ETFB: variants seen among roughly 807,000 people sequenced by gnomAD.
The protein encoded by ETFB is beta-ETF.
In ETFB, 20 loss-of-function variants were observed where a neutral mutation model predicts 25.6. That is an observed-to-expected ratio of 0.78 (90% CI 0.55 to 1.14). The LOEUF (loss-of-function observed/expected upper bound fraction) is 1.14. ETFB is among the 50% of genes most tolerant of loss of function. ETFB has a pLI of 0.00. For synonymous variants in ETFB, 142 were observed against 146.7 expected, an observed-to-expected ratio of 0.97 and a Z score of 0.23; for missense variants, 286 against 342.6, an observed-to-expected ratio of 0.83 and a Z score of 1.30.
At chr19:51,357,664 T>C (rs921537645) in intron 1 of ETFB, among the ~76,000 whole-genome samples, 6 of 151,788 alleles carry the variant, frequency 4.0e-5, no homozygotes, top group African/African-American at 1.5e-4. Context: ...TAATTTTTTG[T>C]ATTTTTAATA....
intron 1 of ETFB, among the ~76,000 whole-genome samples, chr19:51,365,738 C>A (rs1243030135): frequency 6.6e-6 from 1 of 152,220 alleles, no homozygotes; most frequent in Admixed American, 6.5e-5. Context: ...ACACACTTCT[C>A]TCTCCCTAGC....
In ETFB at chr19:51,354,272, C is replaced by G; in HGVS notation, c.94G>C (p.Asp32His). The part of the protein sequence containing the change: ...VKPDRTGVVT[D>H]GVKHSMNPFC... ...GGGTTCATGGAGTGCTTCACACCAT[C>G]CGTGACCACACCGGTCCTGTCAGGC... Residue 32 changes from aspartate to histidine, a missense_variant, in exon 2 of 6, where the codon GAT (aspartate) becomes CAT (histidine). Transcript: ENST00000309244. The G allele has an allele frequency of 6.2e-7, 1 of 1,614,194 alleles. No homozygotes were observed. The highest frequency in any genetic ancestry group is 8.5e-7 in the Non-Finnish European group (1 of 1,180,032).
chr19:51,360,989 G>A (rs1269559381), intron 1 of ETFB, among the ~76,000 whole-genome samples: 1 of 152,082 alleles, frequency 6.6e-6, no homozygotes, highest in Non-Finnish European at 1.5e-5. Flanking sequence ...GTCTCACCGT[G>A]TTAGCCAGGA....
intron 1 of ETFB, chr19:51,356,578 G>A (rs2123596153): frequency 6.6e-6 from 1 of 152,258 alleles, no homozygotes; most frequent in South Asian, 2.1e-4. Context: ...TGTCTCTCCT[G>A]GGCCCCACTG....
In ETFB at chr19:51,350,530, G is replaced by A. The variant is rs1025121969; in HGVS notation, c.376-139C>T. 1.3e-5 allele frequency: 8 copies of A among 636,570 alleles called. No homozygotes were observed. In the African/African-American group the frequency reaches 1.3e-4, roughly 10 times the overall value. 39.4% of individuals were successfully genotyped at this position (636,570 alleles called of 1,614,324 possible). ...GACGGAGTCTTGCTCTGTCACCCAG[G>A]CTGGAGTGCAATGGTACAATCTTGG... is the stretch of plus-strand genomic sequence containing the variant. On this transcript the variant is annotated intron_variant, in intron 3 of 5. Coordinates refer to ENST00000309244, the MANE Select transcript of ETFB (RefSeq NM_001985.3).
rs774387920 is a variant in ETFB at position 51,354,242 on chromosome 19, A to G, written c.124T>C (p.Cys42Arg). The G allele has an allele frequency of 5.6e-6, 9 of 1,614,150 alleles. No individual in the cohort carries two copies. In the South Asian group the frequency reaches 8.8e-5, roughly 16 times the overall value. ...DGVKHSMNPFCEIAVEEAVRL... is the reference protein window; with the variant it reads ...DGVKHSMNPFREIAVEEAVRL... ...ACAGCCTCCTCCACCGCGATCTCAC[A>G]GAAGGGGTTCATGGAGTGCTTCACA... Residue 42 changes from cysteine to arginine, a missense_variant, in exon 2 of 6, where the codon TGT becomes CGT. Cys to Arg is a radical substitution (Grantham distance 180, BLOSUM62 -3). Coordinates refer to ENST00000309244, the MANE Select transcript of ETFB (RefSeq NM_001985.3).
intron 5 of ETFB, 128 bp downstream of exon 5, chr19:51,346,772 G>A: frequency 2.2e-6 from 2 of 903,774 alleles, no homozygotes; most frequent in Non-Finnish European, 3.3e-6. Flanking sequence ...CAAACTCCAG[G>A]TGACGGCTTC....
At chr19:51,349,810 T>A (rs1985888117) in intron 4 of ETFB, among the ~76,000 whole-genome samples, 1 of 151,294 alleles carries the variant, frequency 6.6e-6, no homozygotes, top group Admixed American at 6.6e-5. Context: ...TGCAGTGGCG[T>A]GCGATCTTGC....
intron 3 of ETFB, among the ~76,000 whole-genome samples, chr19:51,350,746 C>T (rs149831455): frequency 0.026 from 3,977 of 152,240 alleles, 85 homozygotes; most frequent in Non-Finnish European, 0.035. Flanking sequence ...TCTGGGATTA[C>T]AGGCATGAGT....
intron 1 of ETFB, among the ~76,000 whole-genome samples, chr19:51,359,878 C>T (rs2123604933): frequency 6.6e-6 from 1 of 151,824 alleles, no homozygotes; most frequent in East Asian, 2.0e-4. Context: ...ATTAGCAGGT[C>T]ATGGTGGCGT....
intron 1 of ETFB, among the ~76,000 whole-genome samples, chr19:51,360,197 T>C (rs2123605812): frequency 6.6e-6 from 1 of 151,272 alleles, no homozygotes; most frequent in East Asian, 1.9e-4. Flanking sequence ...TGGTCAGGAG[T>C]TCGAGACCAG....
intron 1 of ETFB, among the ~76,000 whole-genome samples, chr19:51,360,371 C>T (rs1043492693): frequency 3.4e-5 from 5 of 148,216 alleles, no homozygotes; most frequent in African/African-American, 1.3e-4. Context: ...CAATGCACTC[C>T]AGCCTGGGTG....
chr19:51,345,715 C>T (rs8107468), intron 5 of ETFB: 153,553 of 400,842 alleles, frequency 0.38, 33,962 homozygotes, highest in Non-Finnish European at 0.48. Context: ...ATGCTGAAGG[C>T]TCCCAATAGG....
chr19:51,354,648 T>C, intron 1 of ETFB: 1 of 1,611,896 alleles, frequency 6.2e-7, no homozygotes, highest in Non-Finnish European at 8.5e-7. Context: ...TTTTACTGTA[T>C]CTCCAAGTGT....
chr19:51,345,203 G>T lies in ETFB; in HGVS notation c.*8C>A, dbSNP rs1985737882. On this transcript the variant is annotated 3_prime_UTR_variant, in exon 6 of 6. Coordinates refer to ENST00000309244, the MANE Select transcript of ETFB (RefSeq NM_001985.3). ...AGAGTCAGTTTTATTGCCATCTCTG[G>T]GAGGGGCTCAAATCCGCCCAATCTC... 2 of 1,613,946 alleles carry T rather than the reference G, an allele frequency of 1.2e-6. No homozygotes were observed.
At chr19:51,354,812 A>G in intron 1 of ETFB, 1 of 687,594 alleles carries the variant, frequency 1.5e-6, no homozygotes, top group Non-Finnish European at 2.4e-6. Flanking sequence ...GGAAAACTCA[A>G]GCTGCCCAGC....
intron 1 of ETFB, among the ~76,000 whole-genome samples, chr19:51,357,977 C>T (rs542866192): frequency 2.4e-4 from 37 of 152,118 alleles, no homozygotes; most frequent in Non-Finnish European, 5.0e-4. Context: ...GGCCATGGTT[C>T]GTGATGGGAA....
intron 4 of ETFB, 153 bp downstream of exon 4, chr19:51,350,164 TACCTCAGCAGAG>T: frequency 2.8e-6 from 2 of 721,516 alleles, no homozygotes; most frequent in Non-Finnish European, 4.7e-6. Context: ...GAAGAGGTGA[TACCTCAGCAGAG>T]ACCTCAAGGA....
chr19:51,364,267 T>A (rs1023101361), intron 1 of ETFB, among the ~76,000 whole-genome samples: 2 of 152,122 alleles, frequency 1.3e-5, no homozygotes, highest in Admixed American at 1.3e-4. Flanking sequence ...AGGTCTAATC[T>A]GGTGTTTAGG....
Sources: allele counts gnomAD v4.1 joint callset (sites outside exome capture counted in the v4.1 genomes callset), GRCh38; gene constraint gnomAD v4.1.1; transcripts MANE v1.5; gene names NCBI Gene and HGNC (gene_info 2026-07-23, HGNC 2026-07-21).